LIN7A: variants seen among roughly 807,000 people sequenced by gnomAD.
LIN7A encodes the protein protein lin-7 homolog A.
In LIN7A, 25 loss-of-function variants were observed where a neutral mutation model predicts 29.8. The ratio of observed to expected loss-of-function variants is 0.84; its 90% CI spans 0.61 to 1.17. LIN7A has a LOEUF of 1.17. Ranked by LOEUF, LIN7A falls within the 50% of genes most tolerant of loss-of-function variation. The pLI is 0.00. For synonymous variants in LIN7A, 118 were observed against 107.5 expected, an observed-to-expected ratio of 1.10 and a Z score of -0.60; for missense variants, 239 against 287.0, an observed-to-expected ratio of 0.83 and a Z score of 1.21.
At chr12:80,860,756 T>C (rs2120402897) in intron 2 of LIN7A, among the ~76,000 whole-genome samples, 1 of 152,366 alleles carries the variant, frequency 6.6e-6, no homozygotes, top group South Asian at 2.1e-4. Context: ...ATACTCTTGA[T>C]GCCCAGCAGC....
chr12:80,864,766 G>C (rs1459112419), intron 2 of LIN7A, among the ~76,000 whole-genome samples: 1 of 152,174 alleles, frequency 6.6e-6, no homozygotes, highest in Non-Finnish European at 1.5e-5. Flanking sequence ...CTCTCTAAAA[G>C]AGAAAGTAGG....
At chr12:80,848,515 T>C (rs550293258) in intron 2 of LIN7A, among the ~76,000 whole-genome samples, 193 bp from the exon 3 acceptor site, 31 of 152,270 alleles carry the variant, frequency 2.0e-4, no homozygotes, top group African/African-American at 7.0e-4. Flanking sequence ...TGATTTTAGA[T>C]ACAATTACAG....
At chr12:80,822,432 C>T (rs1290942089) in intron 4 of LIN7A, among the ~76,000 whole-genome samples, 4 of 152,116 alleles carry the variant, frequency 2.6e-5, no homozygotes, top group Non-Finnish European at 5.9e-5. Flanking sequence ...ATGGCAGGCG[C>T]CTGGAATTCC....
Position 80,845,745 on chromosome 12 carries a change from TAGC to T in LIN7A, c.465_467del (p.Leu156del). On this transcript the variant is annotated inframe_deletion, in exon 4 of 6. Coordinates refer to ENST00000552864, the MANE Select transcript of LIN7A (RefSeq NM_004664.4). ...ATAAACATACCACTCCGTTCACTGA[TAGC>T]AGCTGGTCTCCTCTTTTGAGGCCTC... 6.2e-7 allele frequency: 1 copy of T among 1,613,330 alleles called. No homozygotes were observed. The highest frequency in any genetic ancestry group is 1.3e-5 in the African/African-American group (1 of 75,008).
chr12:80,812,048 C>A (rs1193189802), intron 4 of LIN7A, among the ~76,000 whole-genome samples: 1 of 152,020 alleles, frequency 6.6e-6, no homozygotes. Flanking sequence ...GAGAAAATTT[C>A]TGTATCAGAT....
At chr12:80,922,476 A>G (rs1199867955) in intron 1 of LIN7A, among the ~76,000 whole-genome samples, 1 of 152,228 alleles carries the variant, frequency 6.6e-6, no homozygotes, top group Admixed American at 6.5e-5. Context: ...TTCCAGGTCC[A>G]TATAAAGAAG....
intron 1 of LIN7A, among the ~76,000 whole-genome samples, chr12:80,926,878 A>G (rs1877609105): frequency 6.9e-6 from 1 of 144,080 alleles, no homozygotes; most frequent in Non-Finnish European, 1.5e-5. Flanking sequence ...CAGTAAGCCG[A>G]GATCGCACCA....
intron 1 of LIN7A, among the ~76,000 whole-genome samples, chr12:80,913,403 C>A (rs1399786303): frequency 2.6e-5 from 4 of 152,146 alleles, no homozygotes; most frequent in Non-Finnish European, 5.9e-5. Context: ...AAGCACAGTT[C>A]TAAGAAACAA....
intron 4 of LIN7A, among the ~76,000 whole-genome samples, chr12:80,840,065 C>G (rs1872741293): frequency 1.3e-5 from 2 of 152,062 alleles, no homozygotes; most frequent in Admixed American, 1.3e-4. Context: ...TTTTATCTTT[C>G]TATCCTTTTC....
chr12:80,922,324 A>T (rs1316526144), intron 1 of LIN7A, among the ~76,000 whole-genome samples: 1 of 152,174 alleles, frequency 6.6e-6, no homozygotes, highest in Non-Finnish European at 1.5e-5. Flanking sequence ...GGATGTCAAG[A>T]TTCTCTCTTC....
chr12:80,897,579 G>A (rs952759800), intron 1 of LIN7A, among the ~76,000 whole-genome samples: 10 of 152,098 alleles, frequency 6.6e-5, no homozygotes, highest in African/African-American at 1.7e-4. Context: ...GGAGAGGTGG[G>A]TGGATCACTT....
intron 1 of LIN7A, among the ~76,000 whole-genome samples, chr12:80,897,531 G>T (rs147730426): frequency 3.9e-4 from 59 of 152,232 alleles, no homozygotes; most frequent in African/African-American, 9.1e-4. Flanking sequence ...TGTTTGTTGG[G>T]GCCGGATGCG....
intron 4 of LIN7A, among the ~76,000 whole-genome samples, chr12:80,827,861 C>T (rs1252025518): frequency 6.6e-6 from 1 of 152,112 alleles, no homozygotes; most frequent in Admixed American, 6.5e-5. Flanking sequence ...TCCCAGCTGG[C>T]CTCTATAACC....
intron 5 of LIN7A, among the ~76,000 whole-genome samples, chr12:80,798,403 A>G (rs137902169): frequency 1.3e-5 from 2 of 152,278 alleles, no homozygotes; most frequent in East Asian, 3.9e-4. Context: ...ACAGATTTTA[A>G]CAAAATTGTT....
At chr12:80,907,393 T>C (rs531452338) in intron 1 of LIN7A, among the ~76,000 whole-genome samples, 12 of 152,204 alleles carry the variant, frequency 7.9e-5, no homozygotes, top group Non-Finnish European at 1.8e-4. Context: ...ATTCAAATCT[T>C]CCTTTCATTG....
intron 1 of LIN7A, among the ~76,000 whole-genome samples, chr12:80,922,942 G>A (rs1321640316): frequency 6.6e-6 from 1 of 152,032 alleles, no homozygotes; most frequent in East Asian, 1.9e-4. Flanking sequence ...AGCCCCCGGG[G>A]GTCTTGGCAC....
In LIN7A at chr12:80,937,629, C is replaced by T. The variant is rs1466260782; in HGVS notation, c.82+12G>A. On this transcript the variant is annotated intron_variant, in intron 1 of 5. Transcript: ENST00000552864. The stretch of plus-strand genomic sequence containing the variant: ...GGGACGCGGTGGCCTGGCGAGCGAG[C>T]CGCTCCCTTACCTCTGTCCAGGGTG... 40 of 1,483,464 alleles carry T rather than the reference C, an allele frequency of 2.7e-5. No individual in the cohort carries two copies. Among genetic ancestry groups the T allele is most frequent in the Non-Finnish European group, 3.5e-5 (39 of 1,107,446 alleles). 91.9% of individuals were successfully genotyped at this position (1,483,464 alleles called of 1,614,324 possible).
rs888085080 is a variant in LIN7A, at chr12:80,808,579, T to C, written c.*2886A>G. Among the ~76,000 whole-genome samples the C allele has an allele frequency of 4.4e-4, 67 of 151,718 alleles. No individual in the cohort carries two copies. In the Middle Eastern group the frequency reaches 0.014, roughly 31 times the overall value. ...GGAGTGCAGTGACGCGATCTCGGCTTACTGCCAGCTCCACCTCCCAGGTTC... is the reference window on the plus strand; with the variant it reads ...GGAGTGCAGTGACGCGATCTCGGCTCACTGCCAGCTCCACCTCCCAGGTTC... On this transcript the variant is annotated intron_variant, in intron 5 of 5. Transcript: ENST00000552864.
At chr12:80,866,175 G>T (rs1874126584) in intron 2 of LIN7A, among the ~76,000 whole-genome samples, 1 of 152,074 alleles carries the variant, frequency 6.6e-6, no homozygotes, top group African/African-American at 2.4e-5. Flanking sequence ...AAGATGAAAG[G>T]AGTCTCTCAC....
Sources: gnomAD v4.1 joint callset for allele counts (sites outside exome capture counted in the v4.1 genomes callset) on GRCh38, gnomAD v4.1.1 for gene constraint, MANE v1.5 for transcripts, NCBI Gene and HGNC (gene_info 2026-07-23, HGNC 2026-07-21) for gene names.